Variants in CAMSAP1 observed in about 807,000 individuals in gnomAD.
CAMSAP1 encodes calmodulin regulated spectrin associated protein 1, also known as calmodulin-regulated spectrin-associated protein 1.
A neutral mutation model predicts 143.5 loss-of-function variants in CAMSAP1; 58 were observed. The observed-to-expected ratio is 0.40, with a 90% CI of 0.33 to 0.50. The LOEUF (loss-of-function observed/expected upper bound fraction) is 0.50, where lower values mean the gene tolerates loss of function less well. Ranked by LOEUF, CAMSAP1 falls within the 20% of genes least tolerant of loss-of-function variation. The probability of loss-of-function intolerance (pLI) is 0.45; values close to 1 mark genes in which losing one functional copy is unlikely to be tolerated. For missense variants in CAMSAP1, 1,969 were observed against 2,115.7 expected (o/e 0.93, Z 1.36); for synonymous variants, 945 against 859.3 (o/e 1.10, Z -1.74).
rs76068794 is a variant in CAMSAP1 at position 135,881,924 on chromosome 9, T to C, written c.424-130A>G. On this transcript the variant is annotated intron_variant, in intron 2 of 16. Transcript: ENST00000389532. Reference sequence around the variant, plus strand: ...CCCTCGCCCTTTCCGTCTGAAGAGATACTCAGATTTGAGACCTGCCTCCCC... The same window carrying C: ...CCCTCGCCCTTTCCGTCTGAAGAGACACTCAGATTTGAGACCTGCCTCCCC... 441 of 1,150,446 alleles carry C rather than the reference T, an allele frequency of 3.8e-4. 3 individuals carry two copies. In the East Asian group the frequency reaches 0.011, roughly 28 times the overall value. The allele number at this position is 1,150,446 out of a possible 1,614,324, so 71.3% of individuals were successfully genotyped here. A position where few individuals can be genotyped will look rare whatever the true frequency, so the allele number is the denominator to read the frequency against.
chr9:135,853,760 G>A (rs1325999170), intron 5 of CAMSAP1, among the ~76,000 whole-genome samples: 1 of 152,198 alleles, frequency 6.6e-6, no homozygotes, highest in Non-Finnish European at 1.5e-5. Context: ...CTCTTGCCAG[G>A]CTCAGAGAAC....
intron 7 of CAMSAP1, among the ~76,000 whole-genome samples, chr9:135,845,623 G>A (rs1441200961): frequency 1.3e-5 from 2 of 152,122 alleles, no homozygotes; most frequent in Non-Finnish European, 2.9e-5. Context: ...AAACCCCATC[G>A]TCTCAACCCA....
In CAMSAP1 at chr9:135,843,050, G is replaced by A. The variant is rs563677472; in HGVS notation, c.1045+7087C>T. 5.3e-5 allele frequency among the ~76,000 whole-genome samples: 8 copies of A among 152,114 alleles called. No homozygotes were observed. The South Asian group carries it at 8.3e-4, about 16-fold the overall frequency. On this transcript the variant is annotated intron_variant, in intron 7 of 16. Transcript: ENST00000389532. ...CCAGTTAAAAGACACAGACTGGGCCGGGTGTGGTGGCTCGCACCTGTAATC... is the reference window on the plus strand; with the variant it reads ...CCAGTTAAAAGACACAGACTGGGCCAGGTGTGGTGGCTCGCACCTGTAATC...
At chr9:135,838,884 T>C (rs1328340725) in intron 7 of CAMSAP1, among the ~76,000 whole-genome samples, 2 of 152,062 alleles carry the variant, frequency 1.3e-5, no homozygotes, top group Non-Finnish European at 2.9e-5. Context: ...CCACGTACCT[T>C]CTACCCTGTT....
chr9:135,813,768 T>G (rs1003291252), intron 16 of CAMSAP1, among the ~76,000 whole-genome samples: 10 of 152,226 alleles, frequency 6.6e-5, no homozygotes, highest in African/African-American at 2.4e-4. Context: ...ACGCTGACGC[T>G]GGTTTCCTCC....
intron 7 of CAMSAP1, among the ~76,000 whole-genome samples, chr9:135,842,525 CCA>C (rs1445314731): frequency 6.6e-6 from 1 of 152,022 alleles, no homozygotes; most frequent in South Asian, 2.1e-4. Flanking sequence ...AAGAGCAACC[CCA>C]AGACGCAATC....
chr9:135,900,318 C>G (rs1838577532), intron 1 of CAMSAP1, among the ~76,000 whole-genome samples: 1 of 152,114 alleles, frequency 6.6e-6, no homozygotes, highest in Admixed American at 6.5e-5. Context: ...CCACCACACT[C>G]CACCCCCAGA....
chr9:135,891,162 A>C (rs1838278476), intron 1 of CAMSAP1, among the ~76,000 whole-genome samples: 1 of 152,142 alleles, frequency 6.6e-6, no homozygotes, highest in African/African-American at 2.4e-5. Flanking sequence ...GGCCCCTACA[A>C]GCTGGAGGGG....
In CAMSAP1 at chr9:135,821,422, G is replaced by C. The variant is rs1835455113; in HGVS notation, c.3239C>G (p.Ser1080Cys). The C allele has an allele frequency of 1.2e-6, 2 of 1,613,928 alleles. No homozygotes were observed. Residue 1080 changes from serine (S) to cysteine (C), a missense_variant, in exon 11 of 17, where the codon TCT (serine) becomes TGT (cysteine). By Grantham distance (112) the Ser-to-Cys change is moderately radical. Transcript: ENST00000389532. The surrounding 1 kb of genome is among the most constrained non-coding windows in gnomAD (Gnocchi z 4.6). ...GCGGTGGCCAGCCACGCCCGTGGGA[G>C]AGAGTGGCTCCACGAAGTGGACTGG... ...KAPVHFVEPL[S>C]PTGVAGHRKA...
chr9:135,813,006 C>T (rs993607263), intron 16 of CAMSAP1, among the ~76,000 whole-genome samples: 2 of 152,026 alleles, frequency 1.3e-5, no homozygotes, highest in Non-Finnish European at 2.9e-5. Flanking sequence ...TGATGCCTGT[C>T]GCCGCGTTTG....
At chr9:135,819,199 C>T in intron 11 of CAMSAP1, 53 bp from the exon 12 acceptor site, 2 of 1,550,812 alleles carry the variant, frequency 1.3e-6, no homozygotes, top group Non-Finnish European at 1.7e-6. Flanking sequence ...AGACGCCGGA[C>T]ACGGCCGCAC....
At position 135,808,768 on chromosome 9, in the gene CAMSAP1, C is replaced by A. The variant is rs1335822273; in HGVS notation, c.*2541G>T. On this transcript the variant is annotated 3_prime_UTR_variant, in exon 17 of 17. Coordinates refer to ENST00000389532, the MANE Select transcript of CAMSAP1 (RefSeq NM_015447.4). Reference sequence around the variant, plus strand: ...TGTGGGTAGAACGTATCTGCACATACATGCGTAAAATAATGGGACTCACGC... The same window carrying A: ...TGTGGGTAGAACGTATCTGCACATAAATGCGTAAAATAATGGGACTCACGC... The A allele has an allele frequency of 6.6e-6, 1 of 152,238 alleles. No homozygotes were observed. The highest frequency in any genetic ancestry group is 1.5e-5 in the Non-Finnish European group (1 of 68,040). The allele number at this position is 152,238 out of a possible 1,614,324, so 9.4% of individuals were successfully genotyped here.
chr9:135,877,322 G>C (rs1837785985), intron 3 of CAMSAP1, among the ~76,000 whole-genome samples: 1 of 151,946 alleles, frequency 6.6e-6, no homozygotes, highest in African/African-American at 2.4e-5. Flanking sequence ...TGGCAGATGA[G>C]TAGTTACCTG....
At chr9:135,816,804 C>T (rs925623471) in intron 14 of CAMSAP1, among the ~76,000 whole-genome samples, 2 of 152,156 alleles carry the variant, frequency 1.3e-5, no homozygotes, top group East Asian at 1.9e-4. Context: ...CTTGCTCCCA[C>T]GAGAGCTGAC....
At chr9:135,886,231 A>G (rs1838116853) in intron 1 of CAMSAP1, among the ~76,000 whole-genome samples, 8 of 152,214 alleles carry the variant, frequency 5.3e-5, no homozygotes, top group Admixed American at 4.6e-4. Context: ...AAACAGGAAG[A>G]GATAAAGTCA....
rs1464179063 is a variant in CAMSAP1, at chr9:135,815,887, C to G, written c.4387+3G>C. On this transcript the variant is annotated splice_donor_region_variant and intron_variant, in intron 15 of 16. Coordinates refer to ENST00000389532, the MANE Select transcript of CAMSAP1 (RefSeq NM_015447.4). ...GACCTCTAAGGAGGGCGAACGCCGTCACCTGTGTACTCGGCCACTGAGGCC... is the reference window on the plus strand; with the variant it reads ...GACCTCTAAGGAGGGCGAACGCCGTGACCTGTGTACTCGGCCACTGAGGCC... The G allele has an allele frequency of 1.9e-6, 3 of 1,612,936 alleles. No individual in the cohort carries two copies. The highest frequency in any genetic ancestry group is 2.5e-6 in the Non-Finnish European group (3 of 1,179,308).
rs1449647854 is a variant in CAMSAP1, at chr9:135,810,774, C to A, written c.*535G>T. ...ACAACCAATAAATATCATACAATTT[C>A]TCAAATGAAAAAGATTTCCCATTAT... On this transcript the variant is annotated 3_prime_UTR_variant, in exon 17 of 17. Coordinates refer to ENST00000389532, the MANE Select transcript of CAMSAP1 (RefSeq NM_015447.4). 2.0e-5 allele frequency: 3 copies of A among 153,286 alleles called. No homozygotes were observed. The East Asian group carries it at 5.8e-4, about 29-fold the overall frequency. The allele number at this position is 153,286 out of a possible 1,614,324, so 9.5% of individuals were successfully genotyped here.
intron 14 of CAMSAP1, among the ~76,000 whole-genome samples, chr9:135,816,296 C>A (rs112820851): frequency 6.6e-6 from 1 of 152,222 alleles, no homozygotes; most frequent in Non-Finnish European, 1.5e-5. Context: ...GCACTGCCCC[C>A]GTGAGCAGGG....
Position 135,811,525 on chromosome 9 carries a change from A to G in CAMSAP1, c.4593T>C (p.Pro1531=). 1 of 1,608,158 alleles carries G rather than the reference A, an allele frequency of 6.2e-7. No homozygotes were observed. Among genetic ancestry groups the G allele is most frequent in the South Asian group, 1.1e-5 (1 of 89,944 alleles). The change falls in exon 17 of 17, where the codon CCT becomes CCC. Residue 1531 remains proline (P), a synonymous_variant. Transcript: ENST00000389532. The surrounding 1 kb of genome is among the most constrained non-coding windows in gnomAD (Gnocchi z 4.9). ...TGAGTTTGTAGATTTCCTCAGTATC[A>G]GGATAGTAGCAGTAAAGCGCCCTGA... ...CQFRALYCYY[P]DTEEIYKLTG... is the part of the protein sequence containing the mutation.
Sources: allele counts gnomAD v4.1 joint callset (sites outside exome capture counted in the v4.1 genomes callset), GRCh38; gene constraint gnomAD v4.1.1; non-coding constraint Gnocchi (gnomAD v3.1); transcripts MANE v1.5; gene names NCBI Gene and HGNC (gene_info 2026-07-23, HGNC 2026-07-21).